Variants in SOX5 observed in about 807,000 individuals in gnomAD.
The protein encoded by SOX5 is transcription factor SOX-5.
SOX5 carries 9 observed loss-of-function variants against 92.0 expected under a neutral mutation model. The observed-to-expected ratio is 0.10, with a 90% confidence interval of 0.06 to 0.17. The LOEUF (loss-of-function observed/expected upper bound fraction) is 0.17, where lower values mean the gene tolerates loss of function less well. SOX5 is among the 10% of genes least tolerant of loss of function. The pLI, the probability that SOX5 is intolerant of heterozygous loss-of-function variation, is 1.00. For missense variants in SOX5, 642 were observed against 944.5 expected, an observed-to-expected ratio of 0.68 and a Z score of 4.20; for synonymous variants, 344 against 336.3, an observed-to-expected ratio of 1.02 and a Z score of -0.25.
chr12:24,410,415 C>T (rs773448973), intron 1 of SOX5, among the ~76,000 whole-genome samples: 5 of 152,118 alleles, frequency 3.3e-5, no homozygotes, highest in Admixed American at 6.5e-5. Context: ...TCTTTTTACC[C>T]CTAGAAGTAG....
chr12:23,931,990 T>C (rs1001434027), intron 1 of SOX5, among the ~76,000 whole-genome samples: 4 of 151,470 alleles, frequency 2.6e-5, no homozygotes, highest in Non-Finnish European at 4.4e-5. Context: ...TTAAACTCTA[T>C]GCAAGACAAA....
At chr12:24,377,221 T>A (rs1315528777) in intron 1 of SOX5, among the ~76,000 whole-genome samples, 1 of 152,180 alleles carries the variant, frequency 6.6e-6, no homozygotes. Context: ...CTTTCCAACA[T>A]ACACTGACAG....
At chr12:23,803,247 C>T (rs1326431577) in intron 3 of SOX5, among the ~76,000 whole-genome samples, 1 of 152,058 alleles carries the variant, frequency 6.6e-6, no homozygotes, top group Non-Finnish European at 1.5e-5. Flanking sequence ...TCAGTATGGC[C>T]CACTGTTACC....
intron 3 of SOX5, among the ~76,000 whole-genome samples, chr12:24,240,454 C>T (rs532190419): frequency 1.3e-5 from 2 of 152,252 alleles, no homozygotes; most frequent in South Asian, 4.1e-4. Flanking sequence ...GGCAATTTGG[C>T]TATGCTGTAT....
At chr12:23,819,960 T>C (rs1236048630) in intron 3 of SOX5, among the ~76,000 whole-genome samples, 2 of 152,228 alleles carry the variant, frequency 1.3e-5, no homozygotes, top group Non-Finnish European at 2.9e-5. Flanking sequence ...ACAGGATTGC[T>C]GGGTCAAATG....
chr12:24,179,177 C>G (rs150364394), intron 4 of SOX5, among the ~76,000 whole-genome samples: 180 of 152,274 alleles, frequency 1.2e-3, no homozygotes, highest in Admixed American at 4.0e-3. Context: ...TTGTAGAGCA[C>G]TCTTTAAATA....
At chr12:23,553,165 C>A (rs1248440378) in intron 11 of SOX5, among the ~76,000 whole-genome samples, 2 of 151,786 alleles carry the variant, frequency 1.3e-5, no homozygotes, top group Non-Finnish European at 2.9e-5. Flanking sequence ...TTCCATAATT[C>A]TTTTCTTAAA....
chr12:24,352,331 T>A (rs1338988584), intron 2 of SOX5, among the ~76,000 whole-genome samples: 1 of 152,162 alleles, frequency 6.6e-6, no homozygotes, highest in African/African-American at 2.4e-5. Flanking sequence ...ATATTGATTA[T>A]ATAATGAGAA....
At chr12:24,175,997 A>C (rs949002761) in intron 4 of SOX5, among the ~76,000 whole-genome samples, 3 of 151,924 alleles carry the variant, frequency 2.0e-5, no homozygotes, top group Non-Finnish European at 4.4e-5. Flanking sequence ...CCATTAAAAA[A>C]AAAATGAAAC....
At chr12:24,510,025 CACAA>C (rs1949162021) in intron 1 of SOX5, among the ~76,000 whole-genome samples, 1 of 152,306 alleles carries the variant, frequency 6.6e-6, no homozygotes, top group South Asian at 2.1e-4. Flanking sequence ...TTAAGGGCTT[CACAA>C]ACAGTTTTAA....
chr12:24,201,542 C>A (rs184609235), intron 4 of SOX5, among the ~76,000 whole-genome samples: 1 of 152,310 alleles, frequency 6.6e-6, no homozygotes, highest in African/African-American at 2.4e-5. Flanking sequence ...TTAATGATGT[C>A]AATCTCTCTG....
chr12:24,223,997 G>T (rs186572586), intron 3 of SOX5, among the ~76,000 whole-genome samples: 10 of 152,162 alleles, frequency 6.6e-5, no homozygotes, highest in Non-Finnish European at 1.5e-4. Context: ...AAAGGTGGTC[G>T]CATGAACTAA....
In SOX5 at chr12:24,339,163, C is replaced by CCACACACACACACACA. The variant is rs56243419; in HGVS notation, c.-174+29384_-174+29399dup. Among the ~76,000 whole-genome samples the CCACACACACACACACA allele has an allele frequency of 6.8e-3, 959 of 140,436 alleles. 6 individuals are homozygous for CCACACACACACACACA. Among genetic ancestry groups the CCACACACACACACACA allele is most frequent in the Non-Finnish European group, 9.0e-3 (591 of 65,432 alleles). The allele number at this position is 140,436 out of a possible 152,430, so 92.1% of individuals were successfully genotyped here. A position where few individuals can be genotyped will look rare whatever the true frequency, so the allele number is the denominator to read the frequency against. ...GTTTCTCTCTCTCTCTCTCTCTCTG[C>CCACACACACACACACA]CACACACACACACACACACACACAC... On this transcript the variant is annotated intron_variant, in intron 2 of 4. Coordinates refer to the SOX5 transcript ENST00000446891.
chr12:23,777,715 A>T (rs1439457855), intron 3 of SOX5, among the ~76,000 whole-genome samples: 1 of 152,192 alleles, frequency 6.6e-6, no homozygotes, highest in Non-Finnish European at 1.5e-5. Flanking sequence ...ACACTATACA[A>T]ACATTTAACT....
intron 4 of SOX5, among the ~76,000 whole-genome samples, chr12:24,141,759 T>C (rs1215855313): frequency 2.6e-5 from 4 of 152,324 alleles, no homozygotes; most frequent in African/African-American, 9.6e-5. Flanking sequence ...CTAGTAACAA[T>C]GTAAACAGGT....
intron 2 of SOX5, among the ~76,000 whole-genome samples, chr12:24,344,072 C>T (rs1952901174): frequency 6.6e-6 from 1 of 152,002 alleles, no homozygotes; most frequent in South Asian, 2.1e-4. Flanking sequence ...ATCACAAGGT[C>T]AGGAGATTGA....
intron 4 of SOX5, among the ~76,000 whole-genome samples, chr12:24,135,579 C>A (rs1950040180): frequency 6.6e-6 from 1 of 152,188 alleles, no homozygotes; most frequent in Non-Finnish European, 1.5e-5. Flanking sequence ...CAAAGTCCTA[C>A]TATCTTAGAG....
Position 24,082,404 on chromosome 12 carries a change from G to GAAAAAAA in SOX5, c.-2+130932_-2+130938dup, listed in dbSNP as rs58736325. Among the ~76,000 whole-genome samples, 138 of 73,454 alleles carry GAAAAAAA rather than the reference G, an allele frequency of 1.9e-3. 8 individuals are homozygous for GAAAAAAA. The highest frequency in any genetic ancestry group is 2.3e-3 in the Non-Finnish European group (94 of 41,372). 48.2% of individuals were successfully genotyped at this position (73,454 alleles called of 152,430 possible). ...TCACCAGGGCTGCTCCTTTCGAAAA[G>GAAAAAAA]AAAAAAAAAAAAAAAAAAAAAAAAA... On this transcript the variant is annotated intron_variant, in intron 4 of 4. Coordinates refer to the SOX5 transcript ENST00000446891.
At chr12:24,028,524 A>G (rs936973227) in intron 4 of SOX5, among the ~76,000 whole-genome samples, 1 of 152,034 alleles carries the variant, frequency 6.6e-6, no homozygotes, top group African/African-American at 2.4e-5. Flanking sequence ...TTGAATTTGC[A>G]TGCTACTAGG....
Sources: gnomAD v4.1 joint callset for allele counts (sites outside exome capture counted in the v4.1 genomes callset) on GRCh38, gnomAD v4.1.1 for gene constraint, MANE v1.5 for transcripts, NCBI Gene and HGNC (gene_info 2026-07-23, HGNC 2026-07-21) for gene names.